The following FRAS1 variants were observed in gnomAD, a reference collection of about 807,000 sequenced individuals.
The protein encoded by FRAS1 is extracellular matrix organizing protein FRAS1.
In FRAS1, 290 loss-of-function variants were observed where a neutral mutation model predicts 435.2. The ratio of observed to expected loss-of-function variants is 0.67; its 90% CI spans 0.61 to 0.73. The LOEUF (loss-of-function observed/expected upper bound fraction) is 0.73, where lower values mean the gene tolerates loss of function less well. Ranked by LOEUF, FRAS1 falls within the 30% of genes least tolerant of loss-of-function variation. FRAS1 has a pLI of 0.00. For synonymous variants in FRAS1, 1,800 were observed against 1,851.0 expected, an observed-to-expected ratio of 0.97 and a Z score of 0.71; for missense variants, 4,860 against 5,001.5, an observed-to-expected ratio of 0.97 and a Z score of 0.85.
At chr4:78,471,042 A>C (rs1306013044) in intron 51 of FRAS1, among the ~76,000 whole-genome samples, 2 of 152,196 alleles carry the variant, frequency 1.3e-5, no homozygotes, top group Non-Finnish European at 2.9e-5. Flanking sequence ...GAGAATATCG[A>C]GTGTCTACCA....
intron 47 of FRAS1, among the ~76,000 whole-genome samples, chr4:78,459,924 C>T (rs954961934): frequency 5.9e-5 from 9 of 152,220 alleles, no homozygotes; most frequent in African/African-American, 2.2e-4. Flanking sequence ...CCAATGACCT[C>T]ATGTGATCTA....
At chr4:78,489,706 T>C (rs562605299) in intron 59 of FRAS1, among the ~76,000 whole-genome samples, 9 of 152,336 alleles carry the variant, frequency 5.9e-5, no homozygotes, top group African/African-American at 2.2e-4. Context: ...ATTTGGAACT[T>C]AGCAGAAGCA....
intron 21 of FRAS1, 111 bp from the exon 22 acceptor site, chr4:78,363,797 C>G: frequency 7.0e-7 from 1 of 1,438,210 alleles, no homozygotes; most frequent in Admixed American, 2.1e-5. Flanking sequence ...GGACTGTAAA[C>G]CAGACTTGCC....
In FRAS1 at chr4:78,284,418, A is replaced by G. The variant is rs770021107; in HGVS notation, c.1269A>G (p.Pro423=). 3 of 1,613,738 alleles carry G rather than the reference A, an allele frequency of 1.9e-6. No individual in the cohort carries two copies. The highest frequency in any genetic ancestry group is 1.3e-5 in the African/African-American group (1 of 74,976). The change falls in exon 13 of 74, where the codon CCA becomes CCG. Residue 423 remains proline (P), a synonymous_variant. Coordinates refer to ENST00000512123, the MANE Select transcript of FRAS1 (RefSeq NM_025074.7). ...CCTTGATTTCAGTTCATTGCCATCC[A>G]GATTGTTTGACATGCTCTCAGTCTC... ...CPDCTSVHCH[P]DCLTCSQSPD... is the part of the protein sequence containing the mutation.
rs139237288 is a variant in FRAS1, at chr4:78,271,331, T to C, written c.981+3899T>C. The stretch of plus-strand genomic sequence containing the variant: ...TTTTCTCCATTAATTTTTTTTATTA[T>C]ACTTTAAGTTCTGGGGTGCATGTGC... On this transcript the variant is annotated intron_variant, in intron 9 of 73. Coordinates refer to ENST00000512123, the MANE Select transcript of FRAS1 (RefSeq NM_025074.7). Among the ~76,000 whole-genome samples the C allele has an allele frequency of 3.2e-4, 48 of 152,332 alleles. 2 individuals carry two copies. The East Asian group carries it at 9.3e-3, about 29-fold the overall frequency.
intron 65 of FRAS1, among the ~76,000 whole-genome samples, chr4:78,515,172 A>T (rs1341465428): frequency 6.6e-6 from 1 of 152,040 alleles, no homozygotes; most frequent in Non-Finnish European, 1.5e-5. Flanking sequence ...TGTGCTTGGC[A>T]GCATTTGATT....
intron 56 of FRAS1, among the ~76,000 whole-genome samples, chr4:78,480,168 G>C (rs1430524490): frequency 6.6e-6 from 1 of 152,052 alleles, no homozygotes; most frequent in Non-Finnish European, 1.5e-5. Context: ...GGAATACTAG[G>C]TCTTCTTTCT....
At chr4:78,412,897 G>A (rs1733396049) in intron 31 of FRAS1, 72 bp from the exon 32 acceptor site, 15 of 827,176 alleles carry the variant, frequency 1.8e-5, no homozygotes, top group Non-Finnish European at 2.8e-5. Flanking sequence ...CTTAAAAGAG[G>A]GAAAAACCCA....
rs1553931228 is a variant in FRAS1 at position 78,218,098 on chromosome 4, TCACACACA to T, written c.109-19383_109-19376del. ...CCTTCTCTCTCTCTCTCACTCTCTCTCACACACACACACACACACACACACACACACAC... is the reference window on the plus strand; with the variant it reads ...CCTTCTCTCTCTCTCTCACTCTCTCTCACACACACACACACACACACACAC... On this transcript the variant is annotated intron_variant, in intron 2 of 73. Coordinates refer to ENST00000512123, the MANE Select transcript of FRAS1 (RefSeq NM_025074.7). 9.6e-4 allele frequency among the ~76,000 whole-genome samples: 38 copies of T among 39,736 alleles called. 1 individual carries two copies. The highest frequency in any genetic ancestry group is 3.4e-3 in the African/African-American group (35 of 10,278). The allele number at this position is 39,736 out of a possible 152,430, so 26.1% of individuals were successfully genotyped here.
At chr4:78,086,282 A>G (rs577704751) in intron 2 of FRAS1, among the ~76,000 whole-genome samples, 1 of 152,236 alleles carries the variant, frequency 6.6e-6, no homozygotes, top group Non-Finnish European at 1.5e-5. Context: ...AGCAGTGTGT[A>G]GAGGGAAATT....
chr4:78,480,043 A>G (rs1236135841), intron 56 of FRAS1, among the ~76,000 whole-genome samples: 3 of 152,218 alleles, frequency 2.0e-5, no homozygotes, highest in Non-Finnish European at 2.9e-5. Flanking sequence ...TGGGGTGTTC[A>G]TCACCTCACC....
Position 78,519,498 on chromosome 4 carries a change from CTTAACTATCCCTTT to C in FRAS1, c.10540+18_10540+31del, listed in dbSNP as rs776252267. The C allele has an allele frequency of 3.1e-5, 50 of 1,602,146 alleles. No homozygotes were observed. In the Middle Eastern group the frequency reaches 5.0e-4, roughly 16 times the overall value. ...GGAGAACAGGTATGCCCACTGACGC[CTTAACTATCCCTTT>C]AGTTAGGGCTTCACTCAAGCAAGAT... On this transcript the variant is annotated intron_variant, in intron 67 of 73. Transcript: ENST00000512123.
chr4:78,300,878 G>A (rs1272863978), intron 14 of FRAS1, among the ~76,000 whole-genome samples: 1 of 151,956 alleles, frequency 6.6e-6, no homozygotes, highest in Non-Finnish European at 1.5e-5. Context: ...CCAACTCCCT[G>A]TGACTGGCTG....
intron 36 of FRAS1, among the ~76,000 whole-genome samples, 152 bp from the exon 37 acceptor site, chr4:78,430,140 C>G (rs1734154957): frequency 6.6e-6 from 1 of 152,178 alleles, no homozygotes; most frequent in Admixed American, 6.5e-5. Context: ...TGTTTTTACT[C>G]TTTTGTGCCT....
intron 3 of FRAS1, among the ~76,000 whole-genome samples, chr4:78,240,731 C>G (rs1000105019): frequency 6.6e-6 from 1 of 152,010 alleles, no homozygotes; most frequent in African/African-American, 2.4e-5. Flanking sequence ...AGAACTCATC[C>G]AAAGAGATTG....
At chr4:78,415,807 C>A (rs1251660906) in intron 32 of FRAS1, among the ~76,000 whole-genome samples, 1 of 152,072 alleles carries the variant, frequency 6.6e-6, no homozygotes. Context: ...GTGCCATGAT[C>A]AGATTTTTAA....
chr4:78,320,307 G>A (rs1053752641), intron 18 of FRAS1, among the ~76,000 whole-genome samples: 35 of 152,250 alleles, frequency 2.3e-4, no homozygotes, highest in African/African-American at 7.9e-4. Context: ...TAGTCCCAGT[G>A]CTGTCCCAAG....
intron 12 of FRAS1, among the ~76,000 whole-genome samples, chr4:78,283,901 A>G (rs541335616): frequency 1.3e-5 from 2 of 152,340 alleles, no homozygotes; most frequent in East Asian, 3.9e-4. Flanking sequence ...AAATTCAGTG[A>G]TAACCCCAAT....
intron 2 of FRAS1, among the ~76,000 whole-genome samples, chr4:78,169,997 G>A (rs1578164563): frequency 6.6e-6 from 1 of 152,094 alleles, no homozygotes; most frequent in East Asian, 1.9e-4. Context: ...GAGAATTTGA[G>A]CTAATATATA....
Sources: allele counts gnomAD v4.1 joint callset (sites outside exome capture counted in the v4.1 genomes callset), GRCh38; gene constraint gnomAD v4.1.1; transcripts MANE v1.5; gene names NCBI Gene and HGNC (gene_info 2026-07-23, HGNC 2026-07-21).